Variants in BEST3 observed in about 807,000 individuals in gnomAD.
BEST3 encodes the protein bestrophin 3.
In BEST3, 50 loss-of-function variants were observed where a neutral mutation model predicts 47.1. That is an observed-to-expected ratio of 1.06 (90% CI 0.85 to 1.34). The LOEUF (loss-of-function observed/expected upper bound fraction) is 1.34, where lower values mean the gene tolerates loss of function less well. BEST3 is among the 40% of genes most tolerant of loss of function. The probability of loss-of-function intolerance (pLI) is 0.00; values close to 1 mark genes in which losing one functional copy is unlikely to be tolerated. For synonymous variants in BEST3, 282 were observed against 298.8 expected (o/e 0.94, Z 0.58); for missense variants, 765 against 817.0 (o/e 0.94, Z 0.78).
intron 9 of BEST3, among the ~76,000 whole-genome samples, chr12:69,667,592 G>A (rs966998674): frequency 4.6e-5 from 7 of 152,080 alleles, no homozygotes; most frequent in South Asian, 2.1e-4. Flanking sequence ...CACCATGCCC[G>A]CCTCCTAACT....
intron 7 of BEST3, among the ~76,000 whole-genome samples, chr12:69,676,428 A>AG (rs1212256598): frequency 6.6e-6 from 1 of 151,906 alleles, no homozygotes; most frequent in Admixed American, 6.6e-5. Context: ...GTAAAAAAAA[A>AG]AAAAAGAAAA....
chr12:69,646,056 C>T (rs1034985674), intron 9 of BEST3, among the ~76,000 whole-genome samples: 1 of 152,144 alleles, frequency 6.6e-6, no homozygotes, highest in Non-Finnish European at 1.5e-5. Flanking sequence ...CCTGCCTCAG[C>T]CTCTCGAGTA....
At chr12:69,669,418 T>A (rs1263606510) in intron 9 of BEST3, among the ~76,000 whole-genome samples, 1 of 152,204 alleles carries the variant, frequency 6.6e-6, no homozygotes, top group African/African-American at 2.4e-5. Flanking sequence ...CCTCTCTCCA[T>A]CCTGCTGGTA....
chr12:69,685,281 C>T (rs753453950), intron 4 of BEST3, among the ~76,000 whole-genome samples: 10 of 152,162 alleles, frequency 6.6e-5, no homozygotes, highest in Non-Finnish European at 1.2e-4. Context: ...AATTCACTGC[C>T]TTCTCCATAA....
In BEST3 at chr12:69,654,586, A is replaced by G. The variant is rs144016652; in HGVS notation, c.*321T>C. The G allele has an allele frequency of 5.7e-6, 6 of 1,052,618 alleles. No homozygotes were observed. Among genetic ancestry groups the G allele is most frequent in the Admixed American group, 4.8e-5 (1 of 20,882 alleles). 65.2% of individuals were successfully genotyped at this position (1,052,618 alleles called of 1,614,324 possible). A position where few individuals can be genotyped will look rare whatever the true frequency, so the allele number is the denominator to read the frequency against. On this transcript the variant is annotated 3_prime_UTR_variant, in exon 10 of 10. Coordinates refer to ENST00000330891, the MANE Select transcript of BEST3 (RefSeq NM_032735.3). The stretch of plus-strand genomic sequence containing the variant: ...GACTATGATCTATGAGACTCTTTCC[A>G]CAACTAATAATCTATGAATTTATAA...
chr12:69,664,949 T>G (rs1232883877), intron 9 of BEST3, among the ~76,000 whole-genome samples: 1 of 152,204 alleles, frequency 6.6e-6, no homozygotes, highest in African/African-American at 2.4e-5. Context: ...GGCAAAGCTT[T>G]CTTTCTTCGC....
rs117938104 is a variant in BEST3 at position 69,645,477 on chromosome 12, G to C, written c.1101-1690C>G. ...CAAGGTTCCTCCATGGACCTCAAAGGGTAAGTCGGCAGAGGTGGTTGAGTG... is the reference window on the plus strand; with the variant it reads ...CAAGGTTCCTCCATGGACCTCAAAGCGTAAGTCGGCAGAGGTGGTTGAGTG... On this transcript the variant is annotated intron_variant, in intron 9 of 9. Transcript: ENST00000331471. Among the ~76,000 whole-genome samples the C allele has an allele frequency of 1.1e-3, 170 of 152,290 alleles. 1 individual carries two copies. The highest frequency in any genetic ancestry group is 0.01 in the Middle Eastern group (3 of 294).
At chr12:69,666,882 C>T (rs1006995987) in intron 9 of BEST3, among the ~76,000 whole-genome samples, 29 of 152,340 alleles carry the variant, frequency 1.9e-4, no homozygotes, top group African/African-American at 6.7e-4. Context: ...TTTCTTGAAT[C>T]TGTCCCTTCT....
At position 69,679,862 on chromosome 12, in the gene BEST3, T is replaced by A. The variant is rs147479856; in HGVS notation, c.482-969A>T. Among the ~76,000 whole-genome samples the A allele has an allele frequency of 4.2e-3, 631 of 151,902 alleles. 3 individuals carry two copies. Among genetic ancestry groups the A allele is most frequent in the African/African-American group, 0.015 (601 of 41,446 alleles). ...GGCTATAGAGCGAGACTGTCTCCCC[T>A]GCCCCAAAAAAAGGGTTTCTTGGTG... On this transcript the variant is annotated intron_variant, in intron 4 of 9. Coordinates refer to ENST00000330891, the MANE Select transcript of BEST3 (RefSeq NM_032735.3).
chr12:69,660,987 T>A (rs542288275), intron 9 of BEST3: 2 of 152,178 alleles, frequency 1.3e-5, no homozygotes, highest in Non-Finnish European at 2.9e-5. Context: ...ATGATTTAAT[T>A]AGAAACTTTA....
intron 7 of BEST3, among the ~76,000 whole-genome samples, chr12:69,676,699 T>G (rs1046719325): frequency 2.0e-5 from 3 of 152,032 alleles, no homozygotes; most frequent in Non-Finnish European, 4.4e-5. Context: ...GCCATAAGAG[T>G]GTTCTTCTAA....
In BEST3 at chr12:69,678,882, T is replaced by G. The variant is rs1449610935; in HGVS notation, c.493A>C (p.Thr165Pro). ...DHVVEAGFMT[T>P]DERKLFNHLK... ...TGGTTGAATAATTTCCTTTCATCTG[T>G]TGTCATAAAACCTTTACAAAAAAAT... The change falls in exon 5 of 10, where the codon ACA (threonine) becomes CCA (proline). Residue 165 changes from threonine (T) to proline (P), a missense_variant. Thr to Pro is a conservative substitution (Grantham distance 38). Coordinates refer to ENST00000330891, the MANE Select transcript of BEST3 (RefSeq NM_032735.3). 3.1e-6 allele frequency: 5 copies of G among 1,613,612 alleles called. No individual in the cohort carries two copies. In the Admixed American group the frequency reaches 8.3e-5, roughly 27 times the overall value.
chr12:69,660,256 T>G (rs1464935710), intron 9 of BEST3: 1 of 152,224 alleles, frequency 6.6e-6, no homozygotes, highest in East Asian at 1.9e-4. Context: ...TGTCAATGAC[T>G]GGCAAACTTT....
intron 4 of BEST3, chr12:69,687,313 A>C (rs1467382664): frequency 6.6e-6 from 1 of 152,124 alleles, no homozygotes; most frequent in Non-Finnish European, 1.5e-5. Context: ...GTAGTCATAG[A>C]AGACAGTCAA....
At chr12:69,684,626 G>T in intron 4 of BEST3, 1 of 655,174 alleles carries the variant, frequency 1.5e-6, no homozygotes, top group Non-Finnish European at 3.0e-6. Context: ...AGAGAGTTGT[G>T]TATTCAGCAT....
At position 69,655,752 on chromosome 12, in the gene BEST3, G is replaced by A. The variant is rs770709086; in HGVS notation, c.1162C>T (p.Arg388Trp). The A allele has an allele frequency of 1.4e-5, 23 of 1,613,674 alleles. No individual in the cohort carries two copies. The highest frequency in any genetic ancestry group is 1.3e-4 in the African/African-American group (10 of 74,850). Residue 388 changes from arginine (R) to tryptophan (W), a missense_variant, in exon 10 of 10, where the codon CGG becomes TGG. Coordinates refer to ENST00000330891, the MANE Select transcript of BEST3 (RefSeq NM_032735.3). ...TTGACTCTTCTTATCATGGAATGCCGATGGCCATGCTTCTCATAATCCCAC... is the reference window on the plus strand; with the variant it reads ...TTGACTCTTCTTATCATGGAATGCCAATGGCCATGCTTCTCATAATCCCAC... ...WLWDYEKHGH[R>W]HSMIRRVKRF...
At chr12:69,691,899 C>T (rs747847587) in intron 4 of BEST3, among the ~76,000 whole-genome samples, 1 of 152,172 alleles carries the variant, frequency 6.6e-6, no homozygotes, top group Non-Finnish European at 1.5e-5. Context: ...TAATTTTACC[C>T]ACCTCCATCA....
intron 9 of BEST3, among the ~76,000 whole-genome samples, chr12:69,645,780 C>T (rs901496609): frequency 7.8e-6 from 1 of 128,200 alleles, no homozygotes; most frequent in Non-Finnish European, 1.6e-5. Flanking sequence ...CAGGCACATC[C>T]TAAGTACCCA....
At chr12:69,691,466 T>C (rs1298820828) in intron 4 of BEST3, among the ~76,000 whole-genome samples, 2 of 152,140 alleles carry the variant, frequency 1.3e-5, no homozygotes, top group Non-Finnish European at 2.9e-5. Context: ...ATTCTTGTCG[T>C]ACCCAACTAA....
Sources: gnomAD v4.1 joint callset for allele counts (sites outside exome capture counted in the v4.1 genomes callset) on GRCh38, gnomAD v4.1.1 for gene constraint, MANE v1.5 for transcripts, NCBI Gene and HGNC (gene_info 2026-07-23, HGNC 2026-07-21) for gene names.